The following NKAIN2 variants were observed in gnomAD, a reference collection of about 807,000 sequenced individuals.
The protein encoded by NKAIN2 is sodium/potassium-transporting ATPase subunit beta-1-interacting protein 2.
In NKAIN2, 14 loss-of-function variants were observed where a neutral mutation model predicts 32.6. The ratio of observed to expected loss-of-function variants is 0.43; its 90% CI spans 0.28 to 0.67. The LOEUF (loss-of-function observed/expected upper bound fraction) is 0.67. Among genes scored for constraint, NKAIN2 ranks in the 30% least tolerant of loss-of-function variants. The pLI is 0.17. For synonymous variants in NKAIN2, 80 were observed against 87.2 expected, an observed-to-expected ratio of 0.92 and a Z score of 0.46; for missense variants, 198 against 258.3, an observed-to-expected ratio of 0.77 and a Z score of 1.60.
intron 1 of NKAIN2, among the ~76,000 whole-genome samples, chr6:124,280,515 C>A (rs951427512): frequency 2.6e-5 from 4 of 152,152 alleles, no homozygotes; most frequent in African/African-American, 9.7e-5. Flanking sequence ...ACTTAGCACA[C>A]CACAGCTTGG....
At chr6:124,230,557 G>A (rs1330647686) in intron 1 of NKAIN2, among the ~76,000 whole-genome samples, 2 of 152,156 alleles carry the variant, frequency 1.3e-5, no homozygotes, top group Admixed American at 6.5e-5. Flanking sequence ...AGGAAAAATG[G>A]TTTCATGGGA....
At chr6:124,518,239 A>G (rs1196061902) in intron 3 of NKAIN2, among the ~76,000 whole-genome samples, 1 of 151,692 alleles carries the variant, frequency 6.6e-6, no homozygotes, top group Non-Finnish European at 1.5e-5. Flanking sequence ...GCAATATATA[A>G]AAGTTCATAA....
At chr6:123,929,847 T>C (rs567431164) in intron 1 of NKAIN2, among the ~76,000 whole-genome samples, 1 of 152,224 alleles carries the variant, frequency 6.6e-6, no homozygotes, top group Admixed American at 6.5e-5. Flanking sequence ...ATCCAAAAAT[T>C]CGAAATCCAA....
At chr6:124,818,967 T>G (rs6906541) in intron 6 of NKAIN2, 10,596 of 155,486 alleles carry the variant, frequency 0.068, 468 homozygotes, top group Admixed American at 0.11. Context: ...TCTATCATTT[T>G]TCTGATGTAA....
intron 1 of NKAIN2, among the ~76,000 whole-genome samples, chr6:124,032,697 A>G (rs916578874): frequency 1.3e-5 from 2 of 152,120 alleles, no homozygotes; most frequent in African/African-American, 4.8e-5. Context: ...GTTTTAATGA[A>G]ATAATGGAAT....
chr6:124,604,083 A>G (rs1435446752), intron 3 of NKAIN2, among the ~76,000 whole-genome samples: 1 of 152,008 alleles, frequency 6.6e-6, no homozygotes, highest in African/African-American at 2.4e-5. Context: ...GGAGGGCTAG[A>G]CAGGAGCAAA....
chr6:124,513,655 G>A (rs562357908), intron 3 of NKAIN2, among the ~76,000 whole-genome samples: 1 of 152,226 alleles, frequency 6.6e-6, no homozygotes, highest in South Asian at 2.1e-4. Context: ...AATGGTTTTG[G>A]TGGGTTAAAT....
intron 2 of NKAIN2, among the ~76,000 whole-genome samples, chr6:124,342,525 C>T (rs9388316): frequency 0.31 from 47,493 of 150,802 alleles, 8,273 homozygotes; most frequent in South Asian, 0.45. Context: ...CTTTTATTTT[C>T]AATACAGGGT....
chr6:123,922,500 A>G, intron 1 of NKAIN2, among the ~76,000 whole-genome samples: 1 of 152,086 alleles, frequency 6.6e-6, no homozygotes, highest in Admixed American at 6.6e-5. Context: ...GAATATTGTA[A>G]GTTTCTTATA....
intron 4 of NKAIN2, among the ~76,000 whole-genome samples, chr6:124,769,549 T>A (rs762534498): frequency 6.6e-6 from 1 of 152,154 alleles, no homozygotes; most frequent in Non-Finnish European, 1.5e-5. Context: ...AGATTAACTT[T>A]GAAAGATTAT....
At chr6:124,654,274 T>G (rs1052146805) in intron 3 of NKAIN2, among the ~76,000 whole-genome samples, 2 of 152,092 alleles carry the variant, frequency 1.3e-5, no homozygotes, top group Non-Finnish European at 2.9e-5. Context: ...AGCTTTATGG[T>G]AAATGTAATT....
chr6:124,377,609 A>G (rs144291890), intron 3 of NKAIN2, among the ~76,000 whole-genome samples: 1 of 152,188 alleles, frequency 6.6e-6, no homozygotes, highest in Non-Finnish European at 1.5e-5. Flanking sequence ...TTCACTGGCC[A>G]GGAGAGCAAG....
Position 123,894,439 on chromosome 6 carries a change from A to G in NKAIN2, c.54+90185A>G, listed in dbSNP as rs759715391. Reference sequence around the variant, plus strand: ...AAACAGAGGAAACAAATGGCAGAGAAGAGCACAGATTGTGAAGGTTAGAGA... The same window carrying G: ...AAACAGAGGAAACAAATGGCAGAGAGGAGCACAGATTGTGAAGGTTAGAGA... On this transcript the variant is annotated intron_variant, in intron 1 of 6. Coordinates refer to ENST00000368417, the MANE Select transcript of NKAIN2 (RefSeq NM_001040214.3). Among the ~76,000 whole-genome samples, 54 of 152,350 alleles carry G rather than the reference A, an allele frequency of 3.5e-4. 1 individual carries two copies. The highest frequency in any genetic ancestry group is 3.4e-3 in the Middle Eastern group (1 of 294).
chr6:124,350,980 C>T (rs979656067), intron 2 of NKAIN2, among the ~76,000 whole-genome samples: 3 of 151,906 alleles, frequency 2.0e-5, no homozygotes, highest in Non-Finnish European at 4.4e-5. Context: ...CAGAGTGAGA[C>T]GCCTTCTCTA....
intron 1 of NKAIN2, among the ~76,000 whole-genome samples, chr6:124,269,449 C>CTTTTTTT (rs1554275186): frequency 4.0e-4 from 60 of 148,256 alleles, no homozygotes; most frequent in African/African-American, 1.4e-3. Context: ...TTCTTTCTTT[C>CTTTTTTT]TTTCTTTTTT....
intron 3 of NKAIN2, among the ~76,000 whole-genome samples, chr6:124,517,687 T>A (rs1012603387): frequency 1.3e-5 from 2 of 152,190 alleles, no homozygotes; most frequent in African/African-American, 4.8e-5. Flanking sequence ...ACTTCTATGT[T>A]AAATTTTTTT....
At chr6:124,367,513 C>T (rs1287287417) in intron 3 of NKAIN2, among the ~76,000 whole-genome samples, 8 of 152,080 alleles carry the variant, frequency 5.3e-5, no homozygotes, top group African/African-American at 7.2e-5. Flanking sequence ...ATTAGGGCAC[C>T]TCAAATCAGG....
intron 1 of NKAIN2, among the ~76,000 whole-genome samples, chr6:123,871,483 G>C (rs1013777326): frequency 6.6e-6 from 1 of 152,084 alleles, no homozygotes; most frequent in African/African-American, 2.4e-5. Context: ...TCACCTCCTA[G>C]AGACCCTCTT....
At chr6:124,449,778 G>T (rs1226161828) in intron 3 of NKAIN2, among the ~76,000 whole-genome samples, 1 of 152,102 alleles carries the variant, frequency 6.6e-6, no homozygotes, top group Non-Finnish European at 1.5e-5. Context: ...TGAAATAACT[G>T]TTGGCATAGT....
Sources: gnomAD v4.1 joint callset for allele counts (sites outside exome capture counted in the v4.1 genomes callset) on GRCh38, gnomAD v4.1.1 for gene constraint, MANE v1.5 for transcripts, NCBI Gene and HGNC (gene_info 2026-07-23, HGNC 2026-07-21) for gene names.